KCNIP4: variants seen among roughly 807,000 people sequenced by gnomAD.
KCNIP4 encodes potassium voltage-gated channel interacting protein 4.
Under a neutral mutation model 34.0 loss-of-function variants are expected in KCNIP4, and 12 were observed. That is an observed-to-expected ratio of 0.35 (90% CI 0.23 to 0.57). KCNIP4 has a LOEUF of 0.57. KCNIP4 is among the 20% of genes least tolerant of loss of function. KCNIP4 has a pLI of 0.83. For synonymous variants in KCNIP4, 124 were observed against 102.2 expected, an observed-to-expected ratio of 1.21 and a Z score of -1.29; for missense variants, 238 against 311.7, an observed-to-expected ratio of 0.76 and a Z score of 1.78.
intron 1 of KCNIP4, among the ~76,000 whole-genome samples, chr4:21,712,965 T>TTCTTTCCTTCCCCATTTCTTTCAC (rs1179282530): frequency 6.6e-6 from 1 of 152,164 alleles, no homozygotes; most frequent in African/African-American, 2.4e-5. Context: ...CTGTTCCATC[T>TTCTTTCCTTCCCCATTTCTTTCAC]TCTTTCCTTC....
chr4:20,907,122 A>G (rs1727851444), intron 1 of KCNIP4, among the ~76,000 whole-genome samples: 1 of 152,206 alleles, frequency 6.6e-6, no homozygotes, highest in Non-Finnish European at 1.5e-5. Context: ...TGACCCCTTT[A>G]TTTCAAAAGA....
chr4:21,806,567 T>C (rs1721311337), intron 1 of KCNIP4, among the ~76,000 whole-genome samples: 2 of 152,212 alleles, frequency 1.3e-5, no homozygotes, highest in African/African-American at 4.8e-5. Context: ...AATAAATATG[T>C]AGACTACCTG....
intron 1 of KCNIP4, among the ~76,000 whole-genome samples, chr4:21,167,200 G>A (rs1753695965): frequency 6.6e-6 from 1 of 151,990 alleles, no homozygotes; most frequent in Non-Finnish European, 1.5e-5. Context: ...GTTTTCCTGG[G>A]GAAGGTGGTG....
rs576414208 is a variant in KCNIP4, at chr4:20,823,675, C to G, written c.288+26868G>C. On this transcript the variant is annotated intron_variant, in intron 3 of 8. Transcript: ENST00000382152. ...ACATAGGATCTGCTGGAAACTTGAT[C>G]TTGGATTTCTCAGCCTCCAGAACTA... Among the ~76,000 whole-genome samples, 3 of 152,298 alleles carry G rather than the reference C, an allele frequency of 2.0e-5. 1 individual carries two copies. In the South Asian group the frequency reaches 6.2e-4, roughly 32 times the overall value.
At chr4:21,531,463 C>T (rs1010949273) in intron 1 of KCNIP4, among the ~76,000 whole-genome samples, 1 of 151,706 alleles carries the variant, frequency 6.6e-6, no homozygotes, top group African/African-American at 2.4e-5. Context: ...GCAACCTCCA[C>T]CTCCTGGGTT....
In KCNIP4 at chr4:20,929,628, T is replaced by G. The variant is rs571760761; in HGVS notation, c.62-46919A>C. Reference sequence around the variant, plus strand: ...TATTTGCAGATGATATAATCCCTTATGTAGAAAACCCTAAAGATTCCACAA... The same window carrying G: ...TATTTGCAGATGATATAATCCCTTAGGTAGAAAACCCTAAAGATTCCACAA... On this transcript the variant is annotated intron_variant, in intron 1 of 8. Coordinates refer to ENST00000382152, the MANE Select transcript of KCNIP4 (RefSeq NM_025221.6). Among the ~76,000 whole-genome samples the G allele has an allele frequency of 1.6e-4, 16 of 102,320 alleles. No homozygotes were observed. The Admixed American group carries it at 1.9e-3, about 12-fold the overall frequency. The allele number at this position is 102,320 out of a possible 152,430, so 67.1% of individuals were successfully genotyped here.
chr4:21,139,854 A>C (rs1477689342), intron 1 of KCNIP4, among the ~76,000 whole-genome samples: 3 of 152,190 alleles, frequency 2.0e-5, no homozygotes, highest in African/African-American at 7.2e-5. Flanking sequence ...CTATTTTTAG[A>C]AGTGTAGAAG....
intron 1 of KCNIP4, among the ~76,000 whole-genome samples, chr4:21,643,079 G>A (rs544257545): frequency 7.9e-5 from 12 of 152,248 alleles, no homozygotes; most frequent in Admixed American, 2.6e-4. Flanking sequence ...GAGTTACAGC[G>A]ATGTAACCAG....
chr4:20,906,385 A>G (rs1258197337), intron 1 of KCNIP4, among the ~76,000 whole-genome samples: 1 of 152,292 alleles, frequency 6.6e-6, no homozygotes, highest in Non-Finnish European at 1.5e-5. Flanking sequence ...ATGCAGATTC[A>G]TCTATGTCTC....
rs77753664 is a variant in KCNIP4 at position 21,243,653 on chromosome 4, C to T, written c.62-360944G>A. Among the ~76,000 whole-genome samples the T allele has an allele frequency of 9.5e-3, 1,446 of 152,216 alleles. 25 individuals carry two copies. The highest frequency in any genetic ancestry group is 0.033 in the African/African-American group (1,371 of 41,528). On this transcript the variant is annotated intron_variant, in intron 1 of 8. Coordinates refer to ENST00000382152, the MANE Select transcript of KCNIP4 (RefSeq NM_025221.6). ...AACTCTCAGCTGTAATTATCAGTTGCATTAAATGCTTTCCACAGTGCAGGA... is the reference window on the plus strand; with the variant it reads ...AACTCTCAGCTGTAATTATCAGTTGTATTAAATGCTTTCCACAGTGCAGGA...
intron 1 of KCNIP4, among the ~76,000 whole-genome samples, chr4:21,156,884 G>A (rs999753416): frequency 1.3e-5 from 2 of 151,912 alleles, no homozygotes. Context: ...TTACTAATGG[G>A]TAATATGCAT....
At chr4:20,743,425 T>C (rs1197489868) in intron 5 of KCNIP4, among the ~76,000 whole-genome samples, 2 of 152,024 alleles carry the variant, frequency 1.3e-5, no homozygotes, top group Non-Finnish European at 2.9e-5. Flanking sequence ...AACAGAGATA[T>C]AGACCAATGG....
rs1255766540 is a variant in KCNIP4 at position 20,729,350 on chromosome 4, C to CTGTAAGAAAGATTGAACA, written c.*714_*731dup. 2.0e-5 allele frequency: 3 copies of CTGTAAGAAAGATTGAACA among 152,078 alleles called. No individual in the cohort carries two copies. Among genetic ancestry groups the CTGTAAGAAAGATTGAACA allele is most frequent in the Non-Finnish European group, 4.4e-5 (3 of 67,962 alleles). 9.4% of individuals were successfully genotyped at this position (152,078 alleles called of 1,614,324 possible). ...AATGATTGATACAATAGAAAACAGC[C>CTGTAAGAAAGATTGAACA]TGTAAGAAAGATTGAACAAATCCAA... On this transcript the variant is annotated 3_prime_UTR_variant, in exon 9 of 9. Coordinates refer to ENST00000382152, the MANE Select transcript of KCNIP4 (RefSeq NM_025221.6).
In KCNIP4 at chr4:20,971,250, G is replaced by A. The variant is rs115941144; in HGVS notation, c.62-88541C>T. On this transcript the variant is annotated intron_variant, in intron 1 of 8. Transcript: ENST00000382152. ...TCAGAGCCAGAGCCTCTTTTTTTCT[G>A]CCTGAGAAAGTCAAAGTATACTTCT... is the stretch of plus-strand genomic sequence containing the variant. 6.0e-3 allele frequency among the ~76,000 whole-genome samples: 917 copies of A among 152,256 alleles called. 12 individuals carry two copies. The highest frequency in any genetic ancestry group is 0.021 in the African/African-American group (869 of 41,560).
intron 1 of KCNIP4, among the ~76,000 whole-genome samples, chr4:21,190,691 T>C (rs1185106461): frequency 1.3e-5 from 2 of 152,176 alleles, no homozygotes; most frequent in Non-Finnish European, 2.9e-5. Flanking sequence ...AGGGATGTTG[T>C]ACTTTATTTG....
intron 1 of KCNIP4, among the ~76,000 whole-genome samples, chr4:21,146,260 T>A (rs192492824): frequency 6.6e-6 from 1 of 151,904 alleles, no homozygotes; most frequent in African/African-American, 2.4e-5. Context: ...TAGCCAGGCG[T>A]GGTGGCGGGC....
chr4:20,866,732 A>T (rs957304489), intron 2 of KCNIP4, among the ~76,000 whole-genome samples: 2 of 152,100 alleles, frequency 1.3e-5, no homozygotes, highest in Admixed American at 6.6e-5. Context: ...CTCTTCACTG[A>T]TGATATGACT....
At chr4:21,703,191 CA>C (rs1490575811) in intron 1 of KCNIP4, among the ~76,000 whole-genome samples, 2 of 151,874 alleles carry the variant, frequency 1.3e-5, no homozygotes, top group African/African-American at 2.4e-5. Flanking sequence ...AGATAAGGAT[CA>C]AGACAAAAAA....
intron 3 of KCNIP4, among the ~76,000 whole-genome samples, chr4:20,848,205 T>G (rs574130679): frequency 5.3e-4 from 81 of 152,100 alleles, no homozygotes; most frequent in African/African-American, 1.9e-3. Context: ...TTTGGCATAT[T>G]CAGGTCTGAT....
Sources: allele counts gnomAD v4.1 joint callset (sites outside exome capture counted in the v4.1 genomes callset), GRCh38; gene constraint gnomAD v4.1.1; transcripts MANE v1.5; gene names NCBI Gene and HGNC (gene_info 2026-07-23, HGNC 2026-07-21).